Variants in GTF2A2 observed in about 807,000 individuals in gnomAD.
GTF2A2 encodes the protein general transcription factor IIA subunit 2, also known as transcription initiation factor IIA subunit 2.
GTF2A2 carries 9 observed loss-of-function variants against 14.3 expected under a neutral mutation model. The ratio of observed to expected loss-of-function variants is 0.63; its 90% CI spans 0.38 to 1.10. GTF2A2 has a LOEUF of 1.10. GTF2A2 is among the 50% of genes least tolerant of loss of function. GTF2A2 has a pLI of 0.01. For synonymous variants in GTF2A2, 56 were observed against 46.0 expected, an observed-to-expected ratio of 1.22 and a Z score of -0.88; for missense variants, 90 against 124.6, an observed-to-expected ratio of 0.72 and a Z score of 1.32.
chr15:59,641,512 C>G (rs1432072753), intron 4 of GTF2A2, among the ~76,000 whole-genome samples: 3 of 152,128 alleles, frequency 2.0e-5, no homozygotes, highest in Non-Finnish European at 2.9e-5. Flanking sequence ...TCTGGAATAG[C>G]TGCTCTTAAC....
intron 1 of GTF2A2, among the ~76,000 whole-genome samples, chr15:59,652,559 A>G (rs977632342): frequency 2.0e-5 from 3 of 152,096 alleles, no homozygotes; most frequent in Non-Finnish European, 4.4e-5. Flanking sequence ...TATAGCTGTT[A>G]TATTTATTAA....
chr15:59,649,127 G>A (rs1448614372), intron 3 of GTF2A2, among the ~76,000 whole-genome samples: 1 of 151,938 alleles, frequency 6.6e-6, no homozygotes, highest in Non-Finnish European at 1.5e-5. Context: ...CTTTTGTCTT[G>A]GCCATATGCT....
In GTF2A2 at chr15:59,656,624, G is replaced by T. The variant is rs146588955; in HGVS notation, c.-50+782C>A. ...GTTCAGTAAACGAAGGCAAATATCA[G>T]TAAGTATAATATGCGTGTGGGAGGG... On this transcript the variant is annotated intron_variant, in intron 1 of 4. Coordinates refer to ENST00000396060, the MANE Select transcript of GTF2A2 (RefSeq NM_004492.3). 9.0e-3 allele frequency among the ~76,000 whole-genome samples: 1,376 copies of T among 152,212 alleles called. 9 individuals carry two copies. The highest frequency in any genetic ancestry group is 0.014 in the Middle Eastern group (4 of 294).
In GTF2A2 at chr15:59,638,062, T is replaced by C. The variant is rs779476963; in HGVS notation, c.*1070A>G. 16 of 152,140 alleles carry C rather than the reference T, an allele frequency of 1.1e-4. No individual in the cohort carries two copies. Among genetic ancestry groups the C allele is most frequent in the East Asian group, 1.9e-4 (1 of 5,182 alleles). The allele number at this position is 152,140 out of a possible 1,614,324, so 9.4% of individuals were successfully genotyped here. On this transcript the variant is annotated 3_prime_UTR_variant, in exon 5 of 5. Coordinates refer to ENST00000396060, the MANE Select transcript of GTF2A2 (RefSeq NM_004492.3). The stretch of plus-strand genomic sequence containing the variant: ...CATGGAAATACATGCATAGAATGAA[T>C]TGGAAGATGAAACAATTTTATTTTC...
rs148211335 is a variant in GTF2A2, at chr15:59,654,566, T to C, written c.-49-2240A>G. Among the ~76,000 whole-genome samples, 878 of 152,350 alleles carry C rather than the reference T, an allele frequency of 5.8e-3. 9 individuals carry two copies. Among genetic ancestry groups the C allele is most frequent in the Middle Eastern group, 0.044 (13 of 294 alleles). On this transcript the variant is annotated intron_variant, in intron 1 of 4. Coordinates refer to ENST00000396060, the MANE Select transcript of GTF2A2 (RefSeq NM_004492.3). ...TTCTGTCTCCATCTACTAAAATAGA[T>C]GACACACTGAAGACAGGGACTTCTG...
At position 59,642,867 on chromosome 15, in the gene GTF2A2, A is replaced by C. The variant is rs571096308; in HGVS notation, c.178-605T>G. On this transcript the variant is annotated intron_variant, in intron 3 of 4. Transcript: ENST00000396060. ...CTGCAACCTCCACCTCCCAGGTTCA[A>C]GAGATTCTCCTACCTCAGCCTCCCA... 1.2e-4 allele frequency among the ~76,000 whole-genome samples: 18 copies of C among 152,218 alleles called. No individual in the cohort carries two copies. In the South Asian group the frequency reaches 3.7e-3, roughly 32 times the overall value.
chr15:59,650,928 G>C (rs1279042200), intron 2 of GTF2A2, among the ~76,000 whole-genome samples, 155 bp from the exon 3 acceptor site: 1 of 152,198 alleles, frequency 6.6e-6, no homozygotes, highest in Admixed American at 6.5e-5. Flanking sequence ...TGATGATGAA[G>C]CACCAAGCTT....
chr15:59,643,835 T>C (rs533921676), intron 3 of GTF2A2, among the ~76,000 whole-genome samples: 1 of 151,820 alleles, frequency 6.6e-6, no homozygotes, highest in East Asian at 2.0e-4. Flanking sequence ...TGACCTCAGG[T>C]GATCTGCCCA....
intron 3 of GTF2A2, among the ~76,000 whole-genome samples, chr15:59,643,944 G>C (rs1327984915): frequency 6.6e-6 from 1 of 152,028 alleles, no homozygotes; most frequent in East Asian, 1.9e-4. Context: ...GCCCAGGCTG[G>C]AGTGCAGTGC....
Position 59,638,208 on chromosome 15 carries a change from C to T in GTF2A2, c.*924G>A, listed in dbSNP as rs557202215. ...CAGGTGTGAGCCACCAGTACCTAGC[C>T]AAAGTTAGTTTTAATGTGAGAGTCA... On this transcript the variant is annotated 3_prime_UTR_variant, in exon 5 of 5. Coordinates refer to ENST00000396060, the MANE Select transcript of GTF2A2 (RefSeq NM_004492.3). The T allele has an allele frequency of 2.6e-5, 4 of 152,104 alleles. No homozygotes were observed. Among genetic ancestry groups the T allele is most frequent in the Admixed American group, 2.6e-4 (4 of 15,256 alleles). 9.4% of individuals were successfully genotyped at this position (152,104 alleles called of 1,614,324 possible). A position where few individuals can be genotyped will look rare whatever the true frequency, so the allele number is the denominator to read the frequency against.
chr15:59,644,839 G>T (rs1891549988), intron 3 of GTF2A2, among the ~76,000 whole-genome samples: 1 of 152,204 alleles, frequency 6.6e-6, no homozygotes, highest in Non-Finnish European at 1.5e-5. Flanking sequence ...GAAAACCTTT[G>T]CCCCATCCTA....
intron 3 of GTF2A2, among the ~76,000 whole-genome samples, chr15:59,647,623 A>G (rs1214200462): frequency 6.6e-6 from 1 of 152,014 alleles, no homozygotes; most frequent in Non-Finnish European, 1.5e-5. Flanking sequence ...CTGTGGCCCA[A>G]GCTAGAGTGC....
intron 3 of GTF2A2, among the ~76,000 whole-genome samples, chr15:59,649,423 G>A (rs8039996): frequency 0.97 from 147,581 of 152,332 alleles, 71,665 homozygotes; most frequent in East Asian, 1. Flanking sequence ...TGCACCTAGA[G>A]GATGACTAGT....
rs191359859 is a variant in GTF2A2, at chr15:59,649,328, C to T, written c.177+1341G>A. ...TTATAGCTTTTCGAAAATAGACAAA[C>T]TCACAAAACACTATGCAAGATAAAT... On this transcript the variant is annotated intron_variant, in intron 3 of 4. Coordinates refer to ENST00000396060, the MANE Select transcript of GTF2A2 (RefSeq NM_004492.3). Among the ~76,000 whole-genome samples the T allele has an allele frequency of 4.9e-4, 75 of 152,294 alleles. No individual in the cohort carries two copies. In the East Asian group the frequency reaches 0.013, roughly 27 times the overall value.
chr15:59,639,677 C>T (rs1891330074), intron 4 of GTF2A2, among the ~76,000 whole-genome samples: 1 of 151,964 alleles, frequency 6.6e-6, no homozygotes, highest in Non-Finnish European at 1.5e-5. Flanking sequence ...CCAGGATGGT[C>T]TCGATCTCCT....
chr15:59,639,440 C>T (rs1891312842), intron 4 of GTF2A2, among the ~76,000 whole-genome samples: 1 of 149,880 alleles, frequency 6.7e-6, no homozygotes, highest in African/African-American at 2.5e-5. Flanking sequence ...AACCTTTCTT[C>T]CCCCAGGTCC....
At chr15:59,646,530 T>G (rs1891612798) in intron 3 of GTF2A2, among the ~76,000 whole-genome samples, 1 of 152,212 alleles carries the variant, frequency 6.6e-6, no homozygotes, top group Admixed American at 6.5e-5. Context: ...AGCAAGTCCT[T>G]GGGATTTATG....
intron 3 of GTF2A2, among the ~76,000 whole-genome samples, chr15:59,647,221 C>A (rs1595670740): frequency 6.6e-6 from 1 of 152,094 alleles, no homozygotes; most frequent in South Asian, 2.1e-4. Flanking sequence ...GCCTCCCCAG[C>A]AGCTGGGACT....
rs1487134120 is a variant in GTF2A2, at chr15:59,639,040, C to CAATTCTAG, written c.*84_*91dup. The CAATTCTAG allele has an allele frequency of 5.1e-6, 4 of 787,038 alleles. No individual in the cohort carries two copies. Among genetic ancestry groups the CAATTCTAG allele is most frequent in the Non-Finnish European group, 9.0e-6 (4 of 445,132 alleles). The allele number at this position is 787,038 out of a possible 1,614,324, so 48.8% of individuals were successfully genotyped here. On this transcript the variant is annotated 3_prime_UTR_variant, in exon 5 of 5. Transcript: ENST00000396060. ...GTATAGCACAGTGTAGTCATTTCTG[C>CAATTCTAG]AATTCTAGAATAAATAAAAAGTCTC...
Sources: allele counts gnomAD v4.1 joint callset (sites outside exome capture counted in the v4.1 genomes callset), GRCh38; gene constraint gnomAD v4.1.1; transcripts MANE v1.5; gene names NCBI Gene and HGNC (gene_info 2026-07-23, HGNC 2026-07-21).